Variants in CACNA1B observed in about 807,000 individuals in gnomAD.
CACNA1B encodes voltage-dependent N-type calcium channel subunit alpha-1B.
A neutral mutation model predicts 247.2 loss-of-function variants in CACNA1B; 70 were observed. That is an observed-to-expected ratio of 0.28 (90% CI 0.23 to 0.35). The LOEUF (loss-of-function observed/expected upper bound fraction) is 0.35. Among genes scored for constraint, CACNA1B ranks in the 10% least tolerant of loss-of-function variants. The pLI is 1.00. For missense variants in CACNA1B, 2,367 were observed against 3,197.4 expected, an observed-to-expected ratio of 0.74 and a Z score of 6.26; for synonymous variants, 1,231 against 1,294.4, an observed-to-expected ratio of 0.95 and a Z score of 1.05.
intron 11 of CACNA1B, 52 bp from the exon 12 acceptor site, chr9:137,975,855 C>G: frequency 1.8e-6 from 2 of 1,121,578 alleles, no homozygotes; most frequent in Non-Finnish European, 2.7e-6. Flanking sequence ...GGGCTGGAGC[C>G]AGAGTGGGAG....
At chr9:138,084,981 T>C (rs1185238486) in intron 36 of CACNA1B, among the ~76,000 whole-genome samples, 1 of 147,596 alleles carries the variant, frequency 6.8e-6, no homozygotes, top group Non-Finnish European at 1.5e-5. Flanking sequence ...CAAGGAAATC[T>C]GACATCACCC....
chr9:138,025,870 C>T (rs1958914670), intron 20 of CACNA1B, among the ~76,000 whole-genome samples: 1 of 152,130 alleles, frequency 6.6e-6, no homozygotes. Context: ...TCATGGGCAT[C>T]AAGGAGGAGC....
chr9:138,120,090 C>T (rs1287681929), intron 44 of CACNA1B, 75 bp from the exon 45 acceptor site: 11 of 1,284,460 alleles, frequency 8.6e-6, no homozygotes, highest in South Asian at 1.4e-5. Context: ...GCCTGCTCCA[C>T]CACCCACTTC....
chr9:138,122,024 T>G lies in CACNA1B; in HGVS notation c.*25T>G. 6.3e-7 allele frequency: 1 copy of G among 1,575,852 alleles called. No individual in the cohort carries two copies. Among genetic ancestry groups the G allele is most frequent in the Non-Finnish European group, 8.6e-7 (1 of 1,165,330 alleles). On this transcript the variant is annotated 3_prime_UTR_variant, in exon 47 of 47. Transcript: ENST00000371372. ...GCTGCACCGTGACCGCTCAGACGCC[T>G]GCATGCAGCAGGCGTGTGTTCCAGT...
At chr9:137,900,688 GT>G (rs1957226638) in intron 3 of CACNA1B, among the ~76,000 whole-genome samples, 1 of 148,418 alleles carries the variant, frequency 6.7e-6, no homozygotes, top group Admixed American at 6.7e-5. Context: ...GTGTCTCTGT[GT>G]TCGTGTCTGT....
chr9:137,960,413 AGGGGAGGTCAGCCTGAGAGACGGAGGG>A (rs1958004214), intron 10 of CACNA1B, among the ~76,000 whole-genome samples: 2 of 7,126 alleles, frequency 2.8e-4, no homozygotes, highest in African/African-American at 5.7e-4. Flanking sequence ...GGGGAGGGGG[AGGGGAGGTCAGCCTGAGAGACGGAGGG>A]GGAGGGGAGG....
At chr9:138,120,975 C>A (rs965996474) in intron 46 of CACNA1B, 94 bp downstream of exon 46, 2 of 1,394,640 alleles carry the variant, frequency 1.4e-6, no homozygotes, top group African/African-American at 1.5e-5. Flanking sequence ...CAGGGCCTCG[C>A]TGCTGCCCTT....
At position 138,025,112 on chromosome 9, in the gene CACNA1B, A is replaced by C. The variant is rs571591487; in HGVS notation, c.3226A>C (p.Thr1076Pro). 1.2e-6 allele frequency: 2 copies of C among 1,613,334 alleles called. No homozygotes were observed. The highest frequency in any genetic ancestry group is 2.7e-5 in the African/African-American group (2 of 74,900). ...RMGSQPPDPN[T>P]IVHIPVMLTG... ...GGGCAGTCAGCCCCCAGACCCGAACACTATTGTACATATCCCAGTGATGCT... is the reference window on the plus strand; with the variant it reads ...GGGCAGTCAGCCCCCAGACCCGAACCCTATTGTACATATCCCAGTGATGCT... Residue 1076 changes from threonine to proline, a missense_variant, in exon 20 of 47, where the codon ACT becomes CCT. This residue lies in a region of CACNA1B where 631 missense variants were observed against 631.1 expected (regional missense o/e 1.00). Transcript: ENST00000371372.
rs867820164 is a variant in CACNA1B, at chr9:137,913,810, A to G, written c.622+539A>G. The stretch of plus-strand genomic sequence containing the variant: ...GACCCCTATTCCTTCAGCCCAGTGG[A>G]AGTCTGGTTTTAGGTTTACCTAAGG... On this transcript the variant is annotated intron_variant, in intron 4 of 46. Transcript: ENST00000371372. The surrounding 1 kb of genome is among the most constrained non-coding windows in gnomAD (Gnocchi z 5.2). Among the ~76,000 whole-genome samples the G allele has an allele frequency of 3.0e-4, 45 of 152,142 alleles. No homozygotes were observed. Among genetic ancestry groups the G allele is most frequent in the African/African-American group, 1.0e-3 (43 of 41,508 alleles).
At chr9:138,000,265 A>AT (rs1346930623) in intron 15 of CACNA1B, among the ~76,000 whole-genome samples, 20 of 151,920 alleles carry the variant, frequency 1.3e-4, no homozygotes, top group Admixed American at 3.3e-4. Flanking sequence ...CGCCCGGCTA[A>AT]TTTTTTGTAT....
intron 40 of CACNA1B, 110 bp from the exon 41 acceptor site, chr9:138,114,268 T>A (rs1961775946): frequency 3.1e-6 from 2 of 647,206 alleles, no homozygotes; most frequent in Middle Eastern, 3.0e-4. Flanking sequence ...TCCAGGAGTC[T>A]TTGTGGGGGG....
intron 31 of CACNA1B, among the ~76,000 whole-genome samples, chr9:138,060,323 G>A (rs568863999): frequency 6.6e-6 from 1 of 152,310 alleles, no homozygotes; most frequent in South Asian, 2.1e-4. Context: ...TTGGTCTTAG[G>A]TTGAATTCTC....
intron 6 of CACNA1B, among the ~76,000 whole-genome samples, chr9:137,922,870 G>A (rs1957503086): frequency 6.6e-6 from 1 of 152,112 alleles, no homozygotes; most frequent in Admixed American, 6.5e-5. Context: ...CAGTGAAGAC[G>A]TAGAGCATCT....
intron 15 of CACNA1B, among the ~76,000 whole-genome samples, chr9:138,001,488 A>T (rs191189850): frequency 2.6e-5 from 4 of 152,194 alleles, no homozygotes; most frequent in Non-Finnish European, 5.9e-5. Context: ...AAAAGAGACC[A>T]TAGCAAGGAT....
At chr9:137,943,086 A>C (rs938201845) in intron 6 of CACNA1B, among the ~76,000 whole-genome samples, 1 of 148,882 alleles carries the variant, frequency 6.7e-6, no homozygotes, top group Non-Finnish European at 1.5e-5. Context: ...AACTTTTGTA[A>C]AGCCTGCTGA....
In CACNA1B at chr9:137,927,651, T is replaced by A. The variant is rs113669476; in HGVS notation, c.966+10220T>A. On this transcript the variant is annotated intron_variant, in intron 6 of 46. Coordinates refer to ENST00000371372, the MANE Select transcript of CACNA1B (RefSeq NM_000718.4). ...ACTGGCTAGAAACTTCAGCATTATG[T>A]TGAGTAAGAATGGCGAGAGCTGACA... Among the ~76,000 whole-genome samples the A allele has an allele frequency of 8.0e-3, 1,225 of 152,308 alleles. 7 individuals are homozygous for A. The highest frequency in any genetic ancestry group is 0.012 in the South Asian group (60 of 4,824).
chr9:138,117,987 G>A lies in CACNA1B; in HGVS notation c.5819G>A (p.Gly1940Asp), dbSNP rs761038215. The change falls in exon 43 of 47, where the codon GGC (glycine) becomes GAC (aspartate). Residue 1940 changes from glycine to aspartate, a missense_variant. Coordinates refer to ENST00000371372, the MANE Select transcript of CACNA1B (RefSeq NM_000718.4). ...ESGIKESVSW[G>D]TQRTQDAPHE... ...GGCATCAAAGAGTCTGTCTCCTGGG[G>A]CACTCAAAGGACCCAGGATGCACCC... 3.8e-6 allele frequency: 6 copies of A among 1,596,152 alleles called. No individual in the cohort carries two copies. The highest frequency in any genetic ancestry group is 4.3e-6 in the Non-Finnish European group (5 of 1,169,992).
chr9:137,923,567 C>T (rs944113120), intron 6 of CACNA1B, among the ~76,000 whole-genome samples: 3 of 152,112 alleles, frequency 2.0e-5, no homozygotes, highest in Admixed American at 6.5e-5. Context: ...CTTGTTTAAC[C>T]GTTCACCTGT....
intron 25 of CACNA1B, among the ~76,000 whole-genome samples, chr9:138,053,220 G>A (rs922896466): frequency 1.3e-5 from 2 of 152,214 alleles, no homozygotes; most frequent in East Asian, 1.9e-4. Flanking sequence ...GTGCAGCTGG[G>A]TCTGGACTCT....
Sources: allele counts gnomAD v4.1 joint callset (sites outside exome capture counted in the v4.1 genomes callset), GRCh38; gene constraint gnomAD v4.1.1; regional missense constraint gnomAD v4.1.1; non-coding constraint Gnocchi (gnomAD v3.1); transcripts MANE v1.5; gene names NCBI Gene and HGNC (gene_info 2026-07-23, HGNC 2026-07-21).